Variants in SPECC1 observed in about 807,000 individuals in gnomAD.
The protein encoded by SPECC1 is cytospin-B.
SPECC1 carries 62 observed loss-of-function variants against 104.1 expected under a neutral mutation model. That is an observed-to-expected ratio of 0.60 (90% CI 0.49 to 0.74). SPECC1 has a LOEUF of 0.74. SPECC1 is among the 30% of genes least tolerant of loss of function. SPECC1 has a pLI of 0.00. For missense variants in SPECC1, 1,306 were observed against 1,310.5 expected (o/e 1.00, Z 0.05); for synonymous variants, 513 against 501.6 (o/e 1.02, Z -0.30).
intron 4 of SPECC1, among the ~76,000 whole-genome samples, chr17:20,225,432 A>T (rs2038141707): frequency 6.6e-6 from 1 of 152,174 alleles, no homozygotes; most frequent in Admixed American, 6.5e-5. Context: ...CAGAACTCAG[A>T]TTCTCACTGG....
intron 12 of SPECC1, among the ~76,000 whole-genome samples, chr17:20,284,073 T>C (rs1421780843): frequency 6.6e-6 from 1 of 152,222 alleles, no homozygotes; most frequent in African/African-American, 2.4e-5. Context: ...TTCTTCTATA[T>C]TTTTCTTTTT....
chr17:20,182,647 A>G (rs1217131664), intron 3 of SPECC1, among the ~76,000 whole-genome samples: 2 of 152,192 alleles, frequency 1.3e-5, no homozygotes, highest in Non-Finnish European at 1.5e-5. Flanking sequence ...AAACTGACCT[A>G]ATGTCATATA....
At chr17:20,073,916 C>T (rs1007424811) in intron 1 of SPECC1, among the ~76,000 whole-genome samples, 1 of 152,134 alleles carries the variant, frequency 6.6e-6, no homozygotes, top group Non-Finnish European at 1.5e-5. Context: ...TGAAACCCAC[C>T]TTTTGACGTG....
chr17:20,038,864 C>A (rs9891739), intron 1 of SPECC1, among the ~76,000 whole-genome samples: 1 of 152,014 alleles, frequency 6.6e-6, no homozygotes, highest in Non-Finnish European at 1.5e-5. Flanking sequence ...CTCCAGTTAC[C>A]TCTTTCTAGT....
chr17:20,166,455 C>G (rs2033654899), intron 3 of SPECC1, among the ~76,000 whole-genome samples: 1 of 152,110 alleles, frequency 6.6e-6, no homozygotes, highest in South Asian at 2.1e-4. Flanking sequence ...ATTTTAAAAA[C>G]TTATTCTATT....
chr17:20,131,783 G>A (rs2049650825), intron 3 of SPECC1, among the ~76,000 whole-genome samples: 3 of 151,640 alleles, frequency 2.0e-5, no homozygotes, highest in Non-Finnish European at 4.4e-5. Flanking sequence ...CCAAGTAGCT[G>A]GGATTACAGG....
chr17:20,191,167 T>C (rs1321190879), intron 3 of SPECC1, among the ~76,000 whole-genome samples: 2 of 152,224 alleles, frequency 1.3e-5, no homozygotes, highest in East Asian at 1.9e-4. Context: ...TTGGCAGTTA[T>C]GAGTAAAGCT....
chr17:20,114,628 T>G (rs912349635), intron 3 of SPECC1, among the ~76,000 whole-genome samples: 1 of 152,074 alleles, frequency 6.6e-6, no homozygotes, highest in African/African-American at 2.4e-5. Flanking sequence ...AGAGCAGGGA[T>G]GTTAGCTGTG....
At chr17:20,248,849 G>A (rs889723803) in intron 9 of SPECC1, among the ~76,000 whole-genome samples, 3 of 152,036 alleles carry the variant, frequency 2.0e-5, no homozygotes, top group African/African-American at 7.2e-5. Flanking sequence ...TTACATGTTT[G>A]TGTTGTGTTT....
intron 1 of SPECC1, among the ~76,000 whole-genome samples, chr17:20,051,503 A>C (rs1011451036): frequency 2.0e-5 from 3 of 152,136 alleles, no homozygotes; most frequent in African/African-American, 7.2e-5. Context: ...TAAAAAATCA[A>C]ATTTAAATTC....
Position 20,318,716 on chromosome 17 carries a change from T to C in SPECC1, c.*4651T>C, listed in dbSNP as rs1598193007. The C allele has an allele frequency of 1.3e-5, 3 of 224,724 alleles. No individual in the cohort carries two copies. The South Asian group carries it at 5.5e-4, about 41-fold the overall frequency. 13.9% of individuals were successfully genotyped at this position (224,724 alleles called of 1,614,324 possible). Reference sequence around the variant, plus strand: ...GTAAAGGACATAACCTCACAGCCTTTTTAGAAGCATTTCGAATATCTACAG... The same window carrying C: ...GTAAAGGACATAACCTCACAGCCTTCTTAGAAGCATTTCGAATATCTACAG... On this transcript the variant is annotated 3_prime_UTR_variant, in exon 15 of 15. Transcript: ENST00000395527.
intron 9 of SPECC1, among the ~76,000 whole-genome samples, chr17:20,248,249 C>T (rs969176024): frequency 6.6e-6 from 1 of 152,180 alleles, no homozygotes; most frequent in Non-Finnish European, 1.5e-5. Flanking sequence ...CTTCCAGATC[C>T]TCTGAGAAGG....
intron 2 of SPECC1, among the ~76,000 whole-genome samples, chr17:20,107,442 CTTCTT>C (rs1278468038): frequency 1.2e-4 from 18 of 149,278 alleles, no homozygotes; most frequent in African/African-American, 4.2e-4. Flanking sequence ...GATCCTGTCT[CTTCTT>C]TTCTTTTCTT....
chr17:20,092,684 T>C (rs898837622), intron 1 of SPECC1, among the ~76,000 whole-genome samples: 2 of 152,218 alleles, frequency 1.3e-5, no homozygotes, highest in African/African-American at 4.8e-5. Context: ...TCAACAGTTT[T>C]TGTCGAGAGG....
chr17:20,211,068 A>G (rs1567945447), intron 4 of SPECC1, among the ~76,000 whole-genome samples: 1 of 152,172 alleles, frequency 6.6e-6, no homozygotes, highest in African/African-American at 2.4e-5. Flanking sequence ...CACTCAGCCA[A>G]GGTCACTCAT....
At chr17:20,206,437 T>C (rs2036783244) in intron 4 of SPECC1, among the ~76,000 whole-genome samples, 1 of 152,246 alleles carries the variant, frequency 6.6e-6, no homozygotes, top group South Asian at 2.1e-4. Context: ...ATGTGTATCA[T>C]ACAAGTTACA....
intron 1 of SPECC1, among the ~76,000 whole-genome samples, chr17:20,055,946 T>C (rs746756604): frequency 6.6e-6 from 1 of 152,240 alleles, no homozygotes; most frequent in Non-Finnish European, 1.5e-5. Flanking sequence ...CCCACCCTCC[T>C]GGTGCAGGGG....
At chr17:20,206,635 C>T (rs1359208076) in intron 4 of SPECC1, among the ~76,000 whole-genome samples, 1 of 152,086 alleles carries the variant, frequency 6.6e-6, no homozygotes, top group Non-Finnish European at 1.5e-5. Context: ...TATTGTCAAA[C>T]ATTTGTGGTC....
At chr17:20,040,537 G>C (rs7223323) in intron 1 of SPECC1, among the ~76,000 whole-genome samples, 10,513 of 151,994 alleles carry the variant, frequency 0.069, 985 homozygotes, top group African/African-American at 0.21. Context: ...CTCTTATTTT[G>C]CTTTATCTGA....
Sources: gnomAD v4.1 joint callset for allele counts (sites outside exome capture counted in the v4.1 genomes callset) on GRCh38, gnomAD v4.1.1 for gene constraint, MANE v1.5 for transcripts, NCBI Gene and HGNC (gene_info 2026-07-23, HGNC 2026-07-21) for gene names.